CPNE4: variants seen among roughly 807,000 people sequenced by gnomAD.
CPNE4 encodes the protein copine-4.
A neutral mutation model predicts 67.9 loss-of-function variants in CPNE4; 25 were observed. The ratio of observed to expected loss-of-function variants is 0.37; its 90% CI spans 0.27 to 0.51. The LOEUF (loss-of-function observed/expected upper bound fraction) is 0.51, where lower values mean the gene tolerates loss of function less well. Ranked by LOEUF, CPNE4 falls within the 20% of genes least tolerant of loss-of-function variation. The pLI is 0.93. For synonymous variants in CPNE4, 242 were observed against 244.9 expected, an observed-to-expected ratio of 0.99 and a Z score of 0.11; for missense variants, 464 against 690.8, an observed-to-expected ratio of 0.67 and a Z score of 3.68.
intron 2 of CPNE4, among the ~76,000 whole-genome samples, chr3:131,851,293 A>T (rs1404667372): frequency 6.6e-6 from 1 of 152,128 alleles, no homozygotes; most frequent in Admixed American, 6.6e-5. Flanking sequence ...TCAATTAAAA[A>T]TTAATATTTT....
At chr3:131,698,909 CA>C (rs750798265) in intron 4 of CPNE4, among the ~76,000 whole-genome samples, 26,823 of 86,320 alleles carry the variant, frequency 0.31, 1,860 homozygotes, top group Middle Eastern at 0.47. Flanking sequence ...GACACTGTCT[CA>C]AAAAAAAAAA....
At chr3:131,620,038 T>C (rs899533041) in intron 7 of CPNE4, among the ~76,000 whole-genome samples, 5 of 152,132 alleles carry the variant, frequency 3.3e-5, no homozygotes, top group Non-Finnish European at 7.4e-5. Context: ...CCTCCTCTAA[T>C]TGGGCAAAAG....
chr3:131,891,007 C>T (rs1426045854), intron 2 of CPNE4, among the ~76,000 whole-genome samples: 11 of 152,074 alleles, frequency 7.2e-5, no homozygotes, highest in Non-Finnish European at 1.5e-4. Context: ...CAGAGATGTG[C>T]TGTACCACAT....
chr3:131,742,725 A>G (rs1191810753), intron 2 of CPNE4, among the ~76,000 whole-genome samples: 1 of 152,142 alleles, frequency 6.6e-6, no homozygotes, highest in Non-Finnish European at 1.5e-5. Context: ...GTGACCAAAA[A>G]TCCTGTTTAC....
At position 131,535,185 on chromosome 3, in the gene CPNE4, T is replaced by C. The variant is rs1935065838; in HGVS notation, c.*10A>G. The stretch of plus-strand genomic sequence containing the variant: ...AGTATTTCAGAACTCTGTAAAACTG[T>C]GTGGGGAGTTCATGGTGCTAGTGTT... On this transcript the variant is annotated 3_prime_UTR_variant, in exon 16 of 16. Coordinates refer to ENST00000429747, the MANE Select transcript of CPNE4 (RefSeq NM_130808.3). 1 of 1,602,862 alleles carries C rather than the reference T, an allele frequency of 6.2e-7. No homozygotes were observed. Among genetic ancestry groups the C allele is most frequent in the African/African-American group, 1.3e-5 (1 of 74,786 alleles).
chr3:131,806,489 G>T (rs572069930), intron 2 of CPNE4, among the ~76,000 whole-genome samples: 2 of 149,262 alleles, frequency 1.3e-5, no homozygotes, highest in East Asian at 2.0e-4. Context: ...GGCGGTGCTT[G>T]CAGTGAGCCG....
chr3:131,806,886 G>A (rs1409724428), intron 2 of CPNE4, among the ~76,000 whole-genome samples: 1 of 152,150 alleles, frequency 6.6e-6, no homozygotes, highest in Non-Finnish European at 1.5e-5. Context: ...GGTTAAGAAG[G>A]GAGGAAGTTT....
At chr3:131,992,701 C>T (rs2073197059) in intron 1 of CPNE4, among the ~76,000 whole-genome samples, 2 of 135,298 alleles carry the variant, frequency 1.5e-5, no homozygotes, top group Non-Finnish European at 1.7e-5. Context: ...TGGCTGTGTC[C>T]CCACCCAAAT....
intron 7 of CPNE4, among the ~76,000 whole-genome samples, chr3:131,616,358 A>C (rs963214156): frequency 1.4e-4 from 21 of 152,174 alleles, no homozygotes; most frequent in African/African-American, 4.8e-4. Context: ...CTGAGTTCTG[A>C]AAGATTTTTC....
intron 7 of CPNE4, among the ~76,000 whole-genome samples, chr3:131,637,030 A>G (rs2079406878): frequency 1.3e-5 from 2 of 152,356 alleles, no homozygotes; most frequent in Non-Finnish European, 2.9e-5. Flanking sequence ...GGACAAAAGA[A>G]TCTGAACAGC....
chr3:131,832,543 T>C (rs941070542), intron 2 of CPNE4, among the ~76,000 whole-genome samples: 1 of 152,216 alleles, frequency 6.6e-6, no homozygotes, highest in African/African-American at 2.4e-5. Context: ...TAAAATCTCA[T>C]GGATTTTACC....
At position 131,946,894 on chromosome 3, in the gene CPNE4, G is replaced by C. The variant is rs571724035; in HGVS notation, c.-1-41450C>G. Among the ~76,000 whole-genome samples, 4 of 152,192 alleles carry C rather than the reference G, an allele frequency of 2.6e-5. No homozygotes were observed. The South Asian group carries it at 8.3e-4, about 32-fold the overall frequency. ...ATTTTTATATATAGTGTTAAGGTGAGGGTCCAGCTTTATACTTTTGTATGT... is the reference window on the plus strand; with the variant it reads ...ATTTTTATATATAGTGTTAAGGTGACGGTCCAGCTTTATACTTTTGTATGT... On this transcript the variant is annotated intron_variant, in intron 1 of 15. Coordinates refer to ENST00000429747, the MANE Select transcript of CPNE4 (RefSeq NM_130808.3).
chr3:131,805,393 C>T (rs560606387), intron 2 of CPNE4, among the ~76,000 whole-genome samples: 7 of 152,280 alleles, frequency 4.6e-5, no homozygotes, highest in East Asian at 3.9e-4. Flanking sequence ...TTTGACACTT[C>T]GAATTCAGGG....
At chr3:132,026,478 A>C (rs6439337) in intron 1 of CPNE4, among the ~76,000 whole-genome samples, 102,702 of 151,984 alleles carry the variant, frequency 0.68, 35,498 homozygotes, top group South Asian at 0.74. Context: ...GACTGGATAA[A>C]TGTGCCCTGG....
At chr3:131,712,668 C>A (rs1000079581) in intron 3 of CPNE4, among the ~76,000 whole-genome samples, 1 of 152,208 alleles carries the variant, frequency 6.6e-6, no homozygotes, top group African/African-American at 2.4e-5. Flanking sequence ...TAGACTTCAA[C>A]AAACTGGCCG....
intron 7 of CPNE4, among the ~76,000 whole-genome samples, chr3:131,612,188 A>C (rs1939880795): frequency 6.6e-6 from 1 of 152,122 alleles, no homozygotes; most frequent in Non-Finnish European, 1.5e-5. Flanking sequence ...AGCCTGGCCA[A>C]CATGGTGAAA....
chr3:131,852,040 T>C (rs1478751570), intron 2 of CPNE4, among the ~76,000 whole-genome samples: 1 of 152,058 alleles, frequency 6.6e-6, no homozygotes, highest in Non-Finnish European at 1.5e-5. Flanking sequence ...AGGTCAAGCC[T>C]GAACTTTTTA....
intron 1 of CPNE4, among the ~76,000 whole-genome samples, chr3:132,029,894 T>C (rs80105607): frequency 2.3e-4 from 8 of 35,406 alleles, no homozygotes; most frequent in African/African-American, 9.2e-4. Flanking sequence ...TAAACTCTCT[T>C]TGTTTACTTT....
intron 7 of CPNE4, among the ~76,000 whole-genome samples, chr3:131,622,884 A>G (rs978873054): frequency 4.6e-5 from 7 of 152,220 alleles, no homozygotes; most frequent in Admixed American, 3.3e-4. Context: ...GTACTGCCCT[A>G]GAACACAGAA....
Sources: allele counts gnomAD v4.1 joint callset (sites outside exome capture counted in the v4.1 genomes callset), GRCh38; gene constraint gnomAD v4.1.1; transcripts MANE v1.5; gene names NCBI Gene and HGNC (gene_info 2026-07-23, HGNC 2026-07-21).